The following ROBO2 variants were observed in gnomAD, a reference collection of about 807,000 sequenced individuals.
ROBO2 encodes roundabout homolog 2.
In ROBO2, 53 loss-of-function variants were observed where a neutral mutation model predicts 160.8. That is an observed-to-expected ratio of 0.33 (90% CI 0.26 to 0.41). The LOEUF (loss-of-function observed/expected upper bound fraction) is 0.41. ROBO2 is among the 10% of genes least tolerant of loss of function. ROBO2 has a pLI of 1.00. For missense variants in ROBO2, 1,577 were observed against 1,722.4 expected, an observed-to-expected ratio of 0.92 and a Z score of 1.49; for synonymous variants, 664 against 611.7, an observed-to-expected ratio of 1.09 and a Z score of -1.26.
At chr3:77,153,745 C>T (rs2077730919) in intron 2 of ROBO2, among the ~76,000 whole-genome samples, 1 of 152,082 alleles carries the variant, frequency 6.6e-6, no homozygotes, top group African/African-American at 2.4e-5. Context: ...TAAATGACAT[C>T]TAGGTTAAAT....
intron 2 of ROBO2, among the ~76,000 whole-genome samples, chr3:77,110,232 A>C (rs533243607): frequency 6.6e-6 from 1 of 152,206 alleles, no homozygotes; most frequent in South Asian, 2.1e-4. Flanking sequence ...TCTATCATTG[A>C]ATATCCAAAG....
chr3:76,585,755 G>A lies in ROBO2; in HGVS notation c.110-512259G>A, dbSNP rs565119206. On this transcript the variant is annotated intron_variant, in intron 2 of 26. Transcript: ENST00000487694. Reference sequence around the variant, plus strand: ...GAAAAACCACTTGGTTAATTTGTTAGTGGTGATGTCCACATGAGCTTATTG... The same window carrying A: ...GAAAAACCACTTGGTTAATTTGTTAATGGTGATGTCCACATGAGCTTATTG... Among the ~76,000 whole-genome samples the A allele has an allele frequency of 4.0e-4, 61 of 152,302 alleles. 1 individual carries two copies. In the South Asian group the frequency reaches 0.012, roughly 30 times the overall value.
intron 2 of ROBO2, among the ~76,000 whole-genome samples, chr3:76,508,132 C>T (rs998886944): frequency 7.9e-5 from 12 of 152,086 alleles, no homozygotes; most frequent in Non-Finnish European, 1.6e-4. Context: ...CAAAATAAAG[C>T]ATATATAAAT....
At chr3:76,854,118 C>G (rs2069777250) in intron 2 of ROBO2, among the ~76,000 whole-genome samples, 1 of 146,506 alleles carries the variant, frequency 6.8e-6, no homozygotes, top group African/African-American at 2.5e-5. Context: ...CATGTTATAC[C>G]TAAAATTTTG....
chr3:76,831,128 C>T (rs1400748142), intron 2 of ROBO2, among the ~76,000 whole-genome samples: 1 of 152,040 alleles, frequency 6.6e-6, no homozygotes, highest in Non-Finnish European at 1.5e-5. Context: ...TTTTTGAGTC[C>T]AATTACCACA....
chr3:77,486,132 T>C (rs1420834726), intron 4 of ROBO2, among the ~76,000 whole-genome samples: 1 of 152,236 alleles, frequency 6.6e-6, no homozygotes, highest in African/African-American at 2.4e-5. Flanking sequence ...TATGACTGCA[T>C]AGTATTCCAT....
At chr3:76,551,535 C>T (rs1261079692) in intron 2 of ROBO2, among the ~76,000 whole-genome samples, 1 of 152,130 alleles carries the variant, frequency 6.6e-6, no homozygotes, top group Admixed American at 6.5e-5. Context: ...ACACGCCCCC[C>T]ACCCTACTCA....
chr3:76,270,164 A>G (rs1201421717), intron 2 of ROBO2, among the ~76,000 whole-genome samples: 1 of 152,068 alleles, frequency 6.6e-6, no homozygotes, highest in Admixed American at 6.6e-5. Flanking sequence ...TTACTGGCAT[A>G]AACACTGAAG....
chr3:76,597,374 T>C (rs1296027786), intron 2 of ROBO2, among the ~76,000 whole-genome samples: 1 of 151,928 alleles, frequency 6.6e-6, no homozygotes, highest in Non-Finnish European at 1.5e-5. Flanking sequence ...AAAGGACTAA[T>C]ATTGAAGGTA....
chr3:77,108,251 CAT>C (rs779006162), intron 2 of ROBO2, among the ~76,000 whole-genome samples: 1 of 121,436 alleles, frequency 8.2e-6, no homozygotes, highest in African/African-American at 3.4e-5. Flanking sequence ...TACACATATG[CAT>C]ATATATGTAT....
intron 21 of ROBO2, among the ~76,000 whole-genome samples, chr3:77,615,351 C>G (rs992308190): frequency 5.9e-5 from 9 of 152,128 alleles, no homozygotes; most frequent in Admixed American, 2.6e-4. Context: ...ACATCATCAT[C>G]ACCTAGAGTC....
chr3:76,847,070 G>T (rs536513103), intron 2 of ROBO2, among the ~76,000 whole-genome samples: 1 of 152,058 alleles, frequency 6.6e-6, no homozygotes, highest in Admixed American at 6.6e-5. Flanking sequence ...AACACCCAGT[G>T]CCTACGTGGT....
chr3:76,545,544 G>T (rs2083048714), intron 2 of ROBO2, among the ~76,000 whole-genome samples: 1 of 151,910 alleles, frequency 6.6e-6, no homozygotes. Flanking sequence ...CAACAGCCCT[G>T]CTGTTAATGA....
chr3:76,814,067 A>G (rs2065442727), intron 2 of ROBO2, among the ~76,000 whole-genome samples: 1 of 152,172 alleles, frequency 6.6e-6, no homozygotes, highest in Non-Finnish European at 1.5e-5. Flanking sequence ...ACATATAAAT[A>G]TAAAATGACA....
chr3:76,548,988 T>G (rs1467744324), intron 2 of ROBO2, among the ~76,000 whole-genome samples: 1 of 152,134 alleles, frequency 6.6e-6, no homozygotes, highest in African/African-American at 2.4e-5. Flanking sequence ...AATTTAAGTT[T>G]ATATATAATT....
chr3:77,262,929 C>T (rs1376652787), intron 2 of ROBO2, among the ~76,000 whole-genome samples: 1 of 152,134 alleles, frequency 6.6e-6, no homozygotes, highest in African/African-American at 2.4e-5. Context: ...TTGCTATAAA[C>T]TAAATGCCAC....
chr3:76,829,220 A>C (rs2066853189), intron 2 of ROBO2, among the ~76,000 whole-genome samples: 1 of 152,118 alleles, frequency 6.6e-6, no homozygotes, highest in Non-Finnish European at 1.5e-5. Context: ...TGGCAACCTA[A>C]TCTAATCTGC....
intron 2 of ROBO2, among the ~76,000 whole-genome samples, chr3:77,247,872 C>T (rs1408035049): frequency 2.6e-5 from 4 of 152,132 alleles, no homozygotes; most frequent in Non-Finnish European, 5.9e-5. Context: ...GCAGGGAGAT[C>T]CTGGGCAGAA....
At position 76,925,524 on chromosome 3, in the gene ROBO2, C is replaced by T. The variant is rs548321412; in HGVS notation, c.110-172490C>T. On this transcript the variant is annotated intron_variant, in intron 2 of 26. Transcript: ENST00000487694. Reference sequence around the variant, plus strand: ...TTATACCAAAATATTAAAATTAGCTCACATGTATTTCTGGAAAAAAATACT... The same window carrying T: ...TTATACCAAAATATTAAAATTAGCTTACATGTATTTCTGGAAAAAAATACT... 2.6e-5 allele frequency among the ~76,000 whole-genome samples: 4 copies of T among 152,238 alleles called. No individual in the cohort carries two copies. In the East Asian group the frequency reaches 5.8e-4, roughly 22 times the overall value.
Sources: gnomAD v4.1 joint callset for allele counts (sites outside exome capture counted in the v4.1 genomes callset) on GRCh38, gnomAD v4.1.1 for gene constraint, MANE v1.5 for transcripts, NCBI Gene and HGNC (gene_info 2026-07-23, HGNC 2026-07-21) for gene names.